ADGRG3: variants seen among roughly 807,000 people sequenced by gnomAD.
ADGRG3 encodes G protein-coupled receptor 97.
A neutral mutation model predicts 54.3 loss-of-function variants in ADGRG3; 39 were observed. That is an observed-to-expected ratio of 0.72 (90% CI 0.56 to 0.94). The LOEUF (loss-of-function observed/expected upper bound fraction) is 0.94. Ranked by LOEUF, ADGRG3 falls within the 40% of genes least tolerant of loss-of-function variation. The probability of loss-of-function intolerance (pLI) is 0.00; values close to 1 mark genes in which losing one functional copy is unlikely to be tolerated. For synonymous variants in ADGRG3, 312 were observed against 290.0 expected (o/e 1.08, Z -0.77); for missense variants, 654 against 694.6 (o/e 0.94, Z 0.66).
chr16:57,667,735 G>A (rs1234482321), upstream of ADGRG3, among the ~76,000 whole-genome samples: 5 of 152,210 alleles, frequency 3.3e-5, no homozygotes, highest in Non-Finnish European at 1.5e-5. Context: ...GGTGGGGGAA[G>A]CTCAGGCTGC....
intron 5 of ADGRG3, 74 bp from the exon 6 acceptor site, chr16:57,679,742 C>A: frequency 8.6e-7 from 1 of 1,164,252 alleles, no homozygotes; most frequent in Non-Finnish European, 1.3e-6. Context: ...GGGGAGCACA[C>A]CGTCCTCCCG....
intron 1 of ADGRG3, among the ~76,000 whole-genome samples, chr16:57,671,543 C>T (rs1368898224): frequency 2.6e-5 from 4 of 151,984 alleles, no homozygotes; most frequent in Non-Finnish European, 5.9e-5. Context: ...CCATGCTGGC[C>T]AGGCTGGTCT....
chr16:57,684,487 A>G lies in ADGRG3; in HGVS notation c.1256+4A>G. On this transcript the variant is annotated splice_donor_region_variant and intron_variant, in intron 10 of 11. Coordinates refer to ENST00000333493, the MANE Select transcript of ADGRG3 (RefSeq NM_170776.5). ...AGAACCGCACCTCTCTGGAGCTGTG[A>G]GTGGCGGCTGTGGGAGCAGGGGTGA... The G allele has an allele frequency of 6.2e-7, 1 of 1,610,786 alleles. No individual in the cohort carries two copies. The highest frequency in any genetic ancestry group is 8.5e-7 in the Non-Finnish European group (1 of 1,177,308).
chr16:57,680,261 C>T lies in ADGRG3; in HGVS notation c.668-4C>T, dbSNP rs112471883. ...TCCCTCTGTTCCCCTGGCCTCCTCTCCAGGGACCACTGGAGACTGGTCTTC... is the reference window on the plus strand; with the variant it reads ...TCCCTCTGTTCCCCTGGCCTCCTCTTCAGGGACCACTGGAGACTGGTCTTC... On this transcript the variant is annotated splice_polypyrimidine_tract_variant and splice_region_variant and intron_variant, in intron 6 of 11. Transcript: ENST00000333493. The T allele has an allele frequency of 6.4e-7, 1 of 1,566,240 alleles. No individual in the cohort carries two copies. The highest frequency in any genetic ancestry group is 1.7e-5 in the Admixed American group (1 of 58,598).
intron 10 of ADGRG3, among the ~76,000 whole-genome samples, chr16:57,684,757 G>A (rs1008495316): frequency 3.3e-5 from 5 of 152,152 alleles, no homozygotes; most frequent in Non-Finnish European, 7.4e-5. Flanking sequence ...GGGCCAACAC[G>A]AGCCCACATG....
upstream of ADGRG3, among the ~76,000 whole-genome samples, chr16:57,666,650 G>A (rs1183383057): frequency 1.3e-5 from 2 of 152,194 alleles, no homozygotes; most frequent in Non-Finnish European, 2.9e-5. Flanking sequence ...TGGGGTTGGG[G>A]GGGGTCTCAG....
rs765864023 is a variant in ADGRG3, at chr16:57,676,357, C to T, written c.345+19C>T. ...CTCTCAGGTGAAGAGCTCCCCAGCCCTCTTGGCTGGTTCGGACCCTATTTT... is the reference window on the plus strand; with the variant it reads ...CTCTCAGGTGAAGAGCTCCCCAGCCTTCTTGGCTGGTTCGGACCCTATTTT... On this transcript the variant is annotated intron_variant, in intron 3 of 11. Transcript: ENST00000333493. The T allele has an allele frequency of 1.9e-6, 3 of 1,611,062 alleles. No individual in the cohort carries two copies. Among genetic ancestry groups the T allele is most frequent in the East Asian group, 4.5e-5 (2 of 44,836 alleles).
chr16:57,669,092 C>T (rs2048104249), intron 1 of ADGRG3, among the ~76,000 whole-genome samples: 1 of 152,212 alleles, frequency 6.6e-6, no homozygotes, highest in Admixed American at 6.5e-5. Flanking sequence ...CCTTCTTGGC[C>T]TCTGTGGCGT....
chr16:57,678,895 C>A, intron 4 of ADGRG3: 1 of 490,768 alleles, frequency 2.0e-6, no homozygotes, highest in South Asian at 2.6e-5. Flanking sequence ...TGGCCCCATG[C>A]CCCCTCTAGT....
rs748622103 is a variant in ADGRG3 at position 57,676,272 on chromosome 16, G to A, written c.279G>A (p.Lys93=). 6.2e-7 allele frequency: 1 copy of A among 1,614,146 alleles called. No homozygotes were observed. Residue 93 remains lysine (K), a synonymous_variant, in exon 3 of 12, where the codon AAG becomes AAA. Coordinates refer to ENST00000333493, the MANE Select transcript of ADGRG3 (RefSeq NM_170776.5). ...LTQKVNTPFL[K]ALVQNLSTNT... ...AGAAGGTGAACACGCCTTTCCTGAA[G>A]GCTTTGGTCCAGAACCTCAGCACCA... is the stretch of plus-strand genomic sequence containing the variant.
At chr16:57,668,090 G>C, upstream of ADGRG3, 1 of 564,210 alleles carries the variant, frequency 1.8e-6, no homozygotes, top group East Asian at 3.0e-5. Context: ...GGGGCCCCGG[G>C]GGCACATACC....
chr16:57,677,302 G>A (rs1258253393), intron 3 of ADGRG3, among the ~76,000 whole-genome samples: 1 of 152,226 alleles, frequency 6.6e-6, no homozygotes, highest in East Asian at 1.9e-4. Flanking sequence ...ATGCTTTGCA[G>A]CCGGGCACAG....
intron 8 of ADGRG3, among the ~76,000 whole-genome samples, chr16:57,683,488 C>T (rs1597778066): frequency 1.3e-5 from 2 of 152,194 alleles, no homozygotes; most frequent in Admixed American, 1.3e-4. Flanking sequence ...TTGCCGGCCA[C>T]GGGGTCCCTT....
At chr16:57,671,341 T>G (rs1382994413) in intron 1 of ADGRG3, among the ~76,000 whole-genome samples, 14 of 145,098 alleles carry the variant, frequency 9.6e-5, no homozygotes, top group African/African-American at 3.1e-4. Flanking sequence ...AGTTTTTTTT[T>G]TTTTTTTTTT....
chr16:57,680,019 C>CT (rs369645039), intron 6 of ADGRG3, among the ~76,000 whole-genome samples, 164 bp downstream of exon 6: 29,161 of 82,750 alleles, frequency 0.35, 5,930 homozygotes, highest in African/African-American at 0.61. Flanking sequence ...CTCCCCTCCC[C>CT]CCCCTCCTCA....
rs1419451805 is a variant in ADGRG3 at position 57,688,762 on chromosome 16, T to G, written c.*301T>G. On this transcript the variant is annotated 3_prime_UTR_variant, in exon 12 of 12. Coordinates refer to ENST00000333493, the MANE Select transcript of ADGRG3 (RefSeq NM_170776.5). ...CCTCATTGCAAAGCCCTCACTCACCTTCTGGTCTCAGCAAGGGAGGAGAGT... is the reference window on the plus strand; with the variant it reads ...CCTCATTGCAAAGCCCTCACTCACCGTCTGGTCTCAGCAAGGGAGGAGAGT... 6.6e-6 allele frequency: 2 copies of G among 304,188 alleles called. No homozygotes were observed. The highest frequency in any genetic ancestry group is 4.2e-5 in the Admixed American group (1 of 24,096). 18.8% of individuals were successfully genotyped at this position (304,188 alleles called of 1,614,324 possible).
intron 2 of ADGRG3, among the ~76,000 whole-genome samples, chr16:57,675,806 G>A (rs1337484542): frequency 1.3e-5 from 2 of 152,132 alleles, no homozygotes; most frequent in East Asian, 3.9e-4. Flanking sequence ...TGCAGGGGCT[G>A]GGGGAAGGGG....
chr16:57,681,546 G>C lies in ADGRG3; in HGVS notation c.881+929G>C, dbSNP rs910870913. The stretch of plus-strand genomic sequence containing the variant: ...GACCAGTCTGGCCAACATGGTGAAA[G>C]CCCATCTCTACTAAAAATACAAAAC... On this transcript the variant is annotated intron_variant, in intron 8 of 11. Transcript: ENST00000333493. Among the ~76,000 whole-genome samples, 118 of 151,984 alleles carry C rather than the reference G, an allele frequency of 7.8e-4. 1 individual carries two copies. The highest frequency in any genetic ancestry group is 2.8e-3 in the African/African-American group (116 of 41,438).
chr16:57,679,323 G>C lies in ADGRG3; in HGVS notation c.627+12G>C. 3 of 1,613,392 alleles carry C rather than the reference G, an allele frequency of 1.9e-6. No individual in the cohort carries two copies. The South Asian group carries it at 3.3e-5, about 18-fold the overall frequency. The stretch of plus-strand genomic sequence containing the variant: ...AGCGACCGCCCCCTGTGAGTCCCCT[G>C]CTCAGGCCTGGCAGCCACTGCAGGG... On this transcript the variant is annotated intron_variant, in intron 5 of 11. Coordinates refer to ENST00000333493, the MANE Select transcript of ADGRG3 (RefSeq NM_170776.5).
Sources: allele counts gnomAD v4.1 joint callset (sites outside exome capture counted in the v4.1 genomes callset), GRCh38; gene constraint gnomAD v4.1.1; transcripts MANE v1.5; gene names NCBI Gene and HGNC (gene_info 2026-07-23, HGNC 2026-07-21).